Variants in DNAH17 observed in about 807,000 individuals in gnomAD.
The protein encoded by DNAH17 is axonemal beta dynein heavy chain 17.
A neutral mutation model predicts 485.6 loss-of-function variants in DNAH17; 376 were observed. That is an observed-to-expected ratio of 0.77 (90% CI 0.71 to 0.84). DNAH17 has a LOEUF of 0.84. Ranked by LOEUF, DNAH17 falls within the 40% of genes least tolerant of loss-of-function variation. The probability of loss-of-function intolerance (pLI) is 0.00; values close to 1 mark genes in which losing one functional copy is unlikely to be tolerated. For synonymous variants in DNAH17, 3,031 were observed against 2,405.9 expected (o/e 1.26, Z -7.60); for missense variants, 6,370 against 5,839.3 (o/e 1.09, Z -2.96).
At chr17:78,460,971 G>C (rs74506987) in intron 58 of DNAH17, among the ~76,000 whole-genome samples, 3,243 of 152,226 alleles carry the variant, frequency 0.021, 116 homozygotes, top group African/African-American at 0.074. Flanking sequence ...AAAGCACCCA[G>C]GGAGGGGTCA....
chr17:78,470,300 T>C (rs1036991907), intron 54 of DNAH17, among the ~76,000 whole-genome samples: 3 of 150,696 alleles, frequency 2.0e-5, no homozygotes, highest in African/African-American at 7.3e-5. Context: ...ACTCCGGACC[T>C]CAAGTGATCT....
intron 20 of DNAH17, among the ~76,000 whole-genome samples, chr17:78,531,661 T>C (rs2091242342): frequency 6.6e-6 from 1 of 152,232 alleles, no homozygotes; most frequent in Non-Finnish European, 1.5e-5. Context: ...TCTTATCTGA[T>C]GTAACTATAG....
In DNAH17 at chr17:78,486,382, G is replaced by A. The variant is rs867493105; in HGVS notation, c.6943C>T (p.Pro2315Ser). The A allele has an allele frequency of 6.2e-7, 1 of 1,613,874 alleles. No homozygotes were observed. Among genetic ancestry groups the A allele is most frequent in the Non-Finnish European group, 8.5e-7 (1 of 1,179,840 alleles). Residue 2315 changes from proline to serine, a missense_variant, in exon 45 of 81, where the codon CCA becomes TCA. Coordinates refer to ENST00000389840, the MANE Select transcript of DNAH17 (RefSeq NM_173628.4). Reference sequence around the variant, plus strand: ...TGGATCACCGTGATCTCCGGCACTGGCGTGATCTTCTTGAACCCAAAGCGC... The same window carrying A: ...TGGATCACCGTGATCTCCGGCACTGACGTGATCTTCTTGAACCCAAAGCGC... Reference protein sequence around the residue: ...KLRFGFKKITPVPEITVIQTI... With the variant: ...KLRFGFKKITSVPEITVIQTI...
In DNAH17 at chr17:78,507,640, A is replaced by G; in HGVS notation, c.4402T>C (p.Phe1468Leu). Reference protein sequence around the residue: ...NLMMSKYLAHFLKEVTSWQQK... With the variant: ...NLMMSKYLAHLLKEVTSWQQK... ...TGCCAGCTTGTCACCTCCTTCAGGA[A>G]GTGGGCCAGGTACTTGGACATCATC... Residue 1468 changes from phenylalanine to leucine, a missense_variant, in exon 28 of 81, where the codon TTC becomes CTC. Coordinates refer to ENST00000389840, the MANE Select transcript of DNAH17 (RefSeq NM_173628.4). The G allele has an allele frequency of 6.2e-7, 1 of 1,614,074 alleles. No individual in the cohort carries two copies. The highest frequency in any genetic ancestry group is 8.5e-7 in the Non-Finnish European group (1 of 1,180,002).
chr17:78,548,209 T>G (rs2091818505), intron 16 of DNAH17, among the ~76,000 whole-genome samples: 1 of 134,162 alleles, frequency 7.5e-6, no homozygotes, highest in Non-Finnish European at 1.6e-5. Flanking sequence ...GGCCTTTTTT[T>G]TTTTTTTTTT....
At chr17:78,571,535 C>A in intron 4 of DNAH17, 55 bp downstream of exon 4, 1 of 1,600,890 alleles carries the variant, frequency 6.2e-7, no homozygotes, top group Non-Finnish European at 8.6e-7. Flanking sequence ...GAGAGCTCGG[C>A]CCGGTCGCCC....
chr17:78,572,609 G>A (rs1222194621), intron 3 of DNAH17, 92 bp downstream of exon 3: 2 of 1,196,592 alleles, frequency 1.7e-6, no homozygotes, highest in Admixed American at 2.4e-5. Context: ...GAAACAACGG[G>A]TCGGAGTGGG....
chr17:78,475,060 G>A (rs1343535818), intron 54 of DNAH17, among the ~76,000 whole-genome samples: 8 of 151,046 alleles, frequency 5.3e-5, no homozygotes, highest in Non-Finnish European at 1.2e-4. Context: ...ACACGGGCTG[G>A]AAGGTTTCAC....
At position 78,454,661 on chromosome 17, in the gene DNAH17, C is replaced by G. The variant is rs1227008503; in HGVS notation, c.10215G>C (p.Leu3405=). 3 of 1,613,126 alleles carry G rather than the reference C, an allele frequency of 1.9e-6. No individual in the cohort carries two copies. The highest frequency in any genetic ancestry group is 2.5e-6 in the Non-Finnish European group (3 of 1,179,876). The stretch of plus-strand genomic sequence containing the variant: ...AGGTGGCCACGTCCGCGTCATCTGT[C>G]AGCAGGCTCAAGGGATCCAGGCCAT... ...ITNGLDPLSL[L]TDDADVATWN... is the part of the protein sequence containing the mutation. Residue 3405 remains leucine, a synonymous_variant, in exon 64 of 81, where the codon CTG becomes CTC. Transcript: ENST00000389840.
rs1449994964 is a variant in DNAH17 at position 78,554,667 on chromosome 17, C to G, written c.2179-1862G>C. 2.6e-5 allele frequency among the ~76,000 whole-genome samples: 4 copies of G among 152,126 alleles called. No homozygotes were observed. In the East Asian group the frequency reaches 7.7e-4, roughly 29 times the overall value. On this transcript the variant is annotated intron_variant, in intron 14 of 80. Coordinates refer to ENST00000389840, the MANE Select transcript of DNAH17 (RefSeq NM_173628.4). ...GTTTCATGACTTCTCTAGGACCCTT[C>G]TACATGAAGTATGGAATCACAGAGT...
chr17:78,473,472 A>G (rs1030993137), intron 54 of DNAH17, among the ~76,000 whole-genome samples: 14 of 150,488 alleles, frequency 9.3e-5, no homozygotes, highest in African/African-American at 3.5e-4. Context: ...TGAACCCGGG[A>G]AGCGGAGCTT....
chr17:78,481,102 C>A (rs569742018), intron 48 of DNAH17, among the ~76,000 whole-genome samples: 22 of 142,816 alleles, frequency 1.5e-4, no homozygotes, highest in African/African-American at 5.6e-4. Context: ...CCCCCCATCC[C>A]CCGGCTTTTT....
chr17:78,500,714 G>A (rs1191783409), intron 35 of DNAH17: 7 of 288,172 alleles, frequency 2.4e-5, no homozygotes. Flanking sequence ...TTGCTATGTT[G>A]GCCAGGCTGG....
At chr17:78,529,204 T>C (rs1485466136) in intron 22 of DNAH17, among the ~76,000 whole-genome samples, 2 of 151,972 alleles carry the variant, frequency 1.3e-5, no homozygotes, top group African/African-American at 4.8e-5. Context: ...CCTCCCAAAG[T>C]GCTGGGATTA....
rs548397514 is a variant in DNAH17, at chr17:78,485,664, C to T, written c.7369G>A (p.Ala2457Thr). Reference protein sequence around the residue: ...KSWPVMLVGNAGTGKSVLMGD... With the variant: ...KSWPVMLVGNTGTGKSVLMGD... ...ATCAGCACCGACTTGCCCGTCCCCG[C>T]GTTCCCCACCAGCATCACCGGCCAG... The change falls in exon 47 of 81, where the codon GCG (alanine) becomes ACG (threonine). Residue 2457 changes from alanine (A) to threonine (T), a missense_variant. By Grantham distance (58) the Ala-to-Thr change is moderately conservative. Transcript: ENST00000389840. 6.8e-6 allele frequency: 11 copies of T among 1,614,008 alleles called. No homozygotes were observed. In the East Asian group the frequency reaches 1.1e-4, roughly 16 times the overall value.
At chr17:78,551,676 A>G (rs567542589) in intron 15 of DNAH17, 38 bp from the exon 16 acceptor site, 3 of 1,604,656 alleles carry the variant, frequency 1.9e-6, no homozygotes, top group South Asian at 2.2e-5. Context: ...CAAAATGAAC[A>G]ATTCAGGCTG....
At chr17:78,426,048 C>A (rs1262538409) in intron 79 of DNAH17, among the ~76,000 whole-genome samples, 1 of 152,174 alleles carries the variant, frequency 6.6e-6, no homozygotes, top group Non-Finnish European at 1.5e-5. Flanking sequence ...CAGGTGTGAA[C>A]CACCGTGTCC....
chr17:78,471,281 CTT>C (rs1468829613), intron 54 of DNAH17, among the ~76,000 whole-genome samples: 1 of 152,172 alleles, frequency 6.6e-6, no homozygotes, highest in East Asian at 1.9e-4. Flanking sequence ...TCTCCTATCT[CTT>C]GACAAGCTAA....
In DNAH17 at chr17:78,458,607, T is replaced by C. The variant is rs1157282210; in HGVS notation, c.9935A>G (p.Gln3312Arg). 22 of 1,613,958 alleles carry C rather than the reference T, an allele frequency of 1.4e-5. No homozygotes were observed. The highest frequency in any genetic ancestry group is 2.2e-5 in the South Asian group (2 of 91,092). The change falls in exon 62 of 81, where the codon CAA becomes CGA. Residue 3312 changes from glutamine to arginine, a missense_variant. By Grantham distance (43) the Gln-to-Arg change is conservative. Coordinates refer to ENST00000389840, the MANE Select transcript of DNAH17 (RefSeq NM_173628.4). ...KATAEKIKCQ[Q>R]EADATNRVIL... ...CACCCTGTTCGTGGCATCGGCCTCT[T>C]GCTGACACTTGATTTTCTCAGCTGT...
Sources: gnomAD v4.1 joint callset for allele counts (sites outside exome capture counted in the v4.1 genomes callset) on GRCh38, gnomAD v4.1.1 for gene constraint, MANE v1.5 for transcripts, NCBI Gene and HGNC (gene_info 2026-07-23, HGNC 2026-07-21) for gene names.